The following NFIX variants were observed in gnomAD, a reference collection of about 807,000 sequenced individuals.
NFIX encodes the protein nuclear factor 1 X-type.
NFIX carries 2 observed loss-of-function variants against 53.3 expected under a neutral mutation model. The ratio of observed to expected loss-of-function variants is 0.04; its 90% CI spans 0.02 to 0.12. The LOEUF is 0.12. Among genes scored for constraint, NFIX ranks in the 10% least tolerant of loss-of-function variants. NFIX has a pLI of 1.00. For missense variants in NFIX, 310 were observed against 674.5 expected (o/e 0.46, Z 5.99); for synonymous variants, 244 against 289.0 (o/e 0.84, Z 1.58).
intron 2 of NFIX, among the ~76,000 whole-genome samples, chr19:13,034,765 G>A (rs184981197): frequency 3.1e-4 from 47 of 152,142 alleles, no homozygotes; most frequent in African/African-American, 1.0e-3. Flanking sequence ...GAAAACTCTC[G>A]GGGTGTGTAT....
chr19:13,085,971 G>T (rs1361000355), intron 8 of NFIX, among the ~76,000 whole-genome samples: 4 of 152,236 alleles, frequency 2.6e-5, no homozygotes, highest in Non-Finnish European at 5.9e-5. Flanking sequence ...GTGAGATCAA[G>T]AATGTCCTAG....
Position 13,002,398 on chromosome 19 carries a change from C to T in NFIX, c.27+6534C>T, listed in dbSNP as rs533740366. On this transcript the variant is annotated intron_variant, in intron 1 of 10. Transcript: ENST00000592199. The surrounding 1 kb of genome is among the most constrained non-coding windows in gnomAD (Gnocchi z 6.1). Reference sequence around the variant, plus strand: ...CCCCCCCTTCCTCACCACCTCCCCCCTCCCGAGGAGCCCCTCTGAGGGCGG... The same window carrying T: ...CCCCCCCTTCCTCACCACCTCCCCCTTCCCGAGGAGCCCCTCTGAGGGCGG... Among the ~76,000 whole-genome samples, 20 of 152,150 alleles carry T rather than the reference C, an allele frequency of 1.3e-4. No individual in the cohort carries two copies. Among genetic ancestry groups the T allele is most frequent in the Admixed American group, 1.1e-3 (17 of 15,290 alleles).
Position 13,013,776 on chromosome 19 carries a change from G to C in NFIX, c.28-11245G>C, listed in dbSNP as rs1218947214. Reference sequence around the variant, plus strand: ...AAATACGTGCCGGTGACGCTTCGTGGAGCTGGCGAGCCTCGCCTGTCCCGC... The same window carrying C: ...AAATACGTGCCGGTGACGCTTCGTGCAGCTGGCGAGCCTCGCCTGTCCCGC... On this transcript the variant is annotated intron_variant, in intron 1 of 10. Transcript: ENST00000592199. The surrounding 1 kb of genome is among the most constrained non-coding windows in gnomAD (Gnocchi z 5.9). 1 of 152,138 alleles carries C rather than the reference G, an allele frequency of 6.6e-6. No homozygotes were observed. Among genetic ancestry groups the C allele is most frequent in the African/African-American group, 2.4e-5 (1 of 41,416 alleles). The allele number at this position is 152,138 out of a possible 1,614,324, so 9.4% of individuals were successfully genotyped here.
In NFIX at chr19:13,073,181, C is replaced by T. The variant is rs2016869416; in HGVS notation, c.622+72C>T. 2.1e-6 allele frequency: 3 copies of T among 1,399,734 alleles called. No individual in the cohort carries two copies. Among genetic ancestry groups the T allele is most frequent in the Non-Finnish European group, 2.0e-6 (2 of 984,946 alleles). 86.7% of individuals were successfully genotyped at this position (1,399,734 alleles called of 1,614,324 possible). On this transcript the variant is annotated intron_variant, in intron 3 of 10. Transcript: ENST00000592199. This position sits in a 1 kb window ranked among gnomAD's most constrained non-coding sequence, Gnocchi z 4.5. Reference sequence around the variant, plus strand: ...CCACTTCCTTCCCCCACCCTGGCTGCCCTGGCCACCCTCACTTCTTCCCCT... The same window carrying T: ...CCACTTCCTTCCCCCACCCTGGCTGTCCTGGCCACCCTCACTTCTTCCCCT...
intron 2 of NFIX, among the ~76,000 whole-genome samples, chr19:13,041,841 T>C (rs2014647406): frequency 6.6e-6 from 1 of 152,074 alleles, no homozygotes; most frequent in Non-Finnish European, 1.5e-5. Flanking sequence ...ACTATGTCGC[T>C]ATTTTTCAAA....
intron 2 of NFIX, among the ~76,000 whole-genome samples, chr19:13,065,422 C>T (rs1021327298): frequency 6.6e-6 from 1 of 152,206 alleles, no homozygotes; most frequent in Non-Finnish European, 1.5e-5. Flanking sequence ...TGCTGCCATG[C>T]CCTGGGTCCA....
In NFIX at chr19:13,001,253, T is replaced by A. The variant is rs1030169817; in HGVS notation, c.27+5389T>A. On this transcript the variant is annotated intron_variant, in intron 1 of 10. Transcript: ENST00000592199. This position sits in a 1 kb window ranked among gnomAD's most constrained non-coding sequence, Gnocchi z 6.5. ...ATGTCAGGCCTCAGAGCCACCATTTTCCCGAGGATGTCTGTGTGGCAGCGT... is the reference window on the plus strand; with the variant it reads ...ATGTCAGGCCTCAGAGCCACCATTTACCCGAGGATGTCTGTGTGGCAGCGT... Among the ~76,000 whole-genome samples, 6 of 152,212 alleles carry A rather than the reference T, an allele frequency of 3.9e-5. No individual in the cohort carries two copies. The highest frequency in any genetic ancestry group is 1.4e-4 in the African/African-American group (6 of 41,444).
At chr19:13,084,606 C>A (rs1241919626) in intron 8 of NFIX, among the ~76,000 whole-genome samples, 4 of 152,092 alleles carry the variant, frequency 2.6e-5, no homozygotes, top group Non-Finnish European at 5.9e-5. Context: ...TAAGAGGATG[C>A]CTGGTTAGCT....
rs1215237661 is a variant in NFIX, at chr19:13,096,105, C to A, written c.*1456C>A. 1.3e-5 allele frequency: 2 copies of A among 152,548 alleles called. No individual in the cohort carries two copies. The highest frequency in any genetic ancestry group is 4.8e-5 in the African/African-American group (2 of 41,394). The allele number at this position is 152,548 out of a possible 1,614,324, so 9.4% of individuals were successfully genotyped here. On this transcript the variant is annotated 3_prime_UTR_variant, in exon 11 of 11. Coordinates refer to ENST00000592199, the MANE Select transcript of NFIX (RefSeq NM_001365902.3). ...GAGGGGAGGATGAGCACGCCCAGCT[C>A]CCCTCCAGGGTGTGACTTGGCCCCT...
chr19:13,039,864 G>A (rs2014494573), intron 2 of NFIX, among the ~76,000 whole-genome samples: 1 of 152,140 alleles, frequency 6.6e-6, no homozygotes, highest in African/African-American at 2.4e-5. Flanking sequence ...CCTTCAGATG[G>A]GAAGCAGCCC....
Position 13,067,644 on chromosome 19 carries a change from G to T in NFIX, c.560-5403G>T, listed in dbSNP as rs538972198. 1.3e-5 allele frequency among the ~76,000 whole-genome samples: 2 copies of T among 152,124 alleles called. No homozygotes were observed. Among genetic ancestry groups the T allele is most frequent in the Non-Finnish European group, 2.9e-5 (2 of 68,022 alleles). On this transcript the variant is annotated intron_variant, in intron 2 of 10. Transcript: ENST00000592199. This position sits in a 1 kb window ranked among gnomAD's most constrained non-coding sequence, Gnocchi z 4.2. ...CATAAAACTTGTTAGGCCAAAGTCCGTGGGGGCAATTGGCCAGCAAATTAT... is the reference window on the plus strand; with the variant it reads ...CATAAAACTTGTTAGGCCAAAGTCCTTGGGGGCAATTGGCCAGCAAATTAT...
intron 6 of NFIX, among the ~76,000 whole-genome samples, chr19:13,077,546 C>T (rs1422056376): frequency 2.6e-5 from 4 of 152,206 alleles, no homozygotes; most frequent in Non-Finnish European, 2.9e-5. Flanking sequence ...TGCCAGATAA[C>T]ACCTCCGCTG....
intron 2 of NFIX, among the ~76,000 whole-genome samples, chr19:13,039,017 C>T (rs1016399823): frequency 2.6e-5 from 4 of 152,210 alleles, no homozygotes; most frequent in South Asian, 2.1e-4. Context: ...GTGCTGGCTC[C>T]GAACACAAAG....
chr19:13,071,680 G>A (rs541930504), intron 2 of NFIX, among the ~76,000 whole-genome samples: 4 of 152,366 alleles, frequency 2.6e-5, no homozygotes, highest in South Asian at 2.1e-4. Context: ...GTTAAGTGGG[G>A]ATGGGGTGGA....
At chr19:13,061,524 C>CT (rs1422967141) in intron 2 of NFIX, among the ~76,000 whole-genome samples, 5 of 152,236 alleles carry the variant, frequency 3.3e-5, no homozygotes, top group Non-Finnish European at 5.9e-5. Flanking sequence ...CGGAGGGCAG[C>CT]TAGTGTTAAC....
chr19:13,000,550 G>T (rs973920086), intron 1 of NFIX, among the ~76,000 whole-genome samples: 6 of 151,708 alleles, frequency 4.0e-5, no homozygotes, highest in Non-Finnish European at 5.9e-5. Context: ...GAGAGATGGT[G>T]GGGGAGAGTG....
At chr19:13,023,874 C>T in intron 1 of NFIX, 1 of 647,092 alleles carries the variant, frequency 1.5e-6, no homozygotes, top group Non-Finnish European at 2.7e-6. Context: ...AGCCCGGCCC[C>T]TATTCCCCAG....
intron 1 of NFIX, among the ~76,000 whole-genome samples, chr19:13,015,397 C>T (rs970212866): frequency 2.0e-5 from 3 of 152,124 alleles, no homozygotes; most frequent in Admixed American, 1.3e-4. Context: ...GAGGCAGCCC[C>T]GCCCCAGGAC....
Position 13,014,648 on chromosome 19 carries a change from C to A in NFIX, c.28-10373C>A, listed in dbSNP as rs1447824520. On this transcript the variant is annotated intron_variant, in intron 1 of 10. Coordinates refer to ENST00000592199, the MANE Select transcript of NFIX (RefSeq NM_001365902.3). The surrounding 1 kb of genome is among the most constrained non-coding windows in gnomAD (Gnocchi z 4.4). Reference sequence around the variant, plus strand: ...AAGAGAAAATGCAGTCTTGGAGAGCCCGTCTTGGCAACCCTGTGCCCTTGA... The same window carrying A: ...AAGAGAAAATGCAGTCTTGGAGAGCACGTCTTGGCAACCCTGTGCCCTTGA... 6.6e-6 allele frequency: 1 copy of A among 152,286 alleles called. No individual in the cohort carries two copies. Among genetic ancestry groups the A allele is most frequent in the Non-Finnish European group, 1.5e-5 (1 of 68,066 alleles). 9.4% of individuals were successfully genotyped at this position (152,286 alleles called of 1,614,324 possible).
Sources: gnomAD v4.1 joint callset for allele counts (sites outside exome capture counted in the v4.1 genomes callset) on GRCh38, gnomAD v4.1.1 for gene constraint, Gnocchi (gnomAD v3.1) non-coding constraint, MANE v1.5 for transcripts, NCBI Gene and HGNC (gene_info 2026-07-23, HGNC 2026-07-21) for gene names.